The following MGST1 variants were observed in gnomAD, a reference collection of about 807,000 sequenced individuals.
MGST1 encodes the protein glutathione S-transferase 12.
In MGST1, 5 loss-of-function variants were observed where a neutral mutation model predicts 8.9. The ratio of observed to expected loss-of-function variants is 0.56; its 90% CI spans 0.29 to 1.19. MGST1 has a LOEUF of 1.19. Ranked by LOEUF, MGST1 falls within the 50% of genes most tolerant of loss-of-function variation. The probability of loss-of-function intolerance (pLI) is 0.08; values close to 1 mark genes in which losing one functional copy is unlikely to be tolerated. For synonymous variants in MGST1, 54 were observed against 67.8 expected (o/e 0.80, Z 1.00); for missense variants, 182 against 187.4 (o/e 0.97, Z 0.17).
intron 4 of MGST1, among the ~76,000 whole-genome samples, chr12:16,462,842 G>A (rs1465536904): frequency 6.6e-6 from 1 of 152,160 alleles, no homozygotes; most frequent in East Asian, 1.9e-4. Flanking sequence ...CCTAGCTACA[G>A]GTTTGGCGTT....
intron 4 of MGST1, among the ~76,000 whole-genome samples, chr12:16,468,513 C>T (rs915274453): frequency 1.3e-5 from 2 of 152,138 alleles, no homozygotes; most frequent in African/African-American, 4.8e-5. Context: ...CTACATCACT[C>T]ATTTAACACC....
exon 1 of MGST1, chr12:16,382,964 C>G (rs1940470725): frequency 6.6e-6 from 1 of 152,510 alleles, no homozygotes; most frequent in Non-Finnish European, 1.5e-5. Context: ...GATATAATCT[C>G]CTGGTGTGCC....
At chr12:16,556,925 C>T (rs764671504) in intron 4 of MGST1, among the ~76,000 whole-genome samples, 1 of 152,052 alleles carries the variant, frequency 6.6e-6, no homozygotes, top group Non-Finnish European at 1.5e-5. Context: ...ATGAAGCGAA[C>T]ACAGAAATAT....
At chr12:16,573,308 A>C (rs1942883353) in intron 4 of MGST1, among the ~76,000 whole-genome samples, 1 of 152,298 alleles carries the variant, frequency 6.6e-6, no homozygotes, top group South Asian at 2.1e-4. Context: ...AGTTGAAACA[A>C]AAATTTTGAA....
chr12:16,378,527 C>T (rs1940415575), downstream of MGST1, among the ~76,000 whole-genome samples: 2 of 152,042 alleles, frequency 1.3e-5, no homozygotes, highest in African/African-American at 4.8e-5. Context: ...GGTACCAGTA[C>T]CATGCTGTTT....
At chr12:16,378,836 G>A (rs1940420271), downstream of MGST1, among the ~76,000 whole-genome samples, 1 of 151,894 alleles carries the variant, frequency 6.6e-6, no homozygotes, top group African/African-American at 2.4e-5. Context: ...GCAGTGGTTT[G>A]TAGTTCTCCT....
intron 4 of MGST1, among the ~76,000 whole-genome samples, chr12:16,523,669 G>A (rs936363775): frequency 1.3e-5 from 2 of 152,008 alleles, no homozygotes; most frequent in Non-Finnish European, 2.9e-5. Flanking sequence ...ATTCTTTGAG[G>A]CTGCATTTTA....
At chr12:16,563,571 C>T (rs764271721) in intron 4 of MGST1, among the ~76,000 whole-genome samples, 5 of 152,008 alleles carry the variant, frequency 3.3e-5, no homozygotes, top group Admixed American at 6.6e-5. Context: ...TACTCATAAT[C>T]CTGATAATTC....
chr12:16,521,400 T>G (rs2137190201), intron 4 of MGST1, among the ~76,000 whole-genome samples: 1 of 152,266 alleles, frequency 6.6e-6, no homozygotes, highest in South Asian at 2.1e-4. Context: ...CATTTACATT[T>G]TCCACTTCCT....
At chr12:16,504,514 T>G (rs1441019672) in intron 4 of MGST1, among the ~76,000 whole-genome samples, 1 of 152,158 alleles carries the variant, frequency 6.6e-6, no homozygotes, top group Non-Finnish European at 1.5e-5. Context: ...TCCAGTAAAC[T>G]TCTACCCTTT....
chr12:16,507,140 T>C (rs2137174727), intron 4 of MGST1, among the ~76,000 whole-genome samples: 1 of 152,292 alleles, frequency 6.6e-6, no homozygotes, highest in Non-Finnish European at 1.5e-5. Context: ...GATGAAGATG[T>C]ATTCCCTAGA....
At chr12:16,412,499 A>G (rs891004665) in intron 1 of MGST1, among the ~76,000 whole-genome samples, 2 of 152,228 alleles carry the variant, frequency 1.3e-5, no homozygotes, top group African/African-American at 4.8e-5. Flanking sequence ...CAACTTTGAC[A>G]TCCAAAATAG....
chr12:16,484,750 A>G (rs937305281), intron 4 of MGST1, among the ~76,000 whole-genome samples: 9 of 152,200 alleles, frequency 5.9e-5, no homozygotes, highest in African/African-American at 1.7e-4. Flanking sequence ...GCATGATTCA[A>G]TCACCTCCCA....
intron 3 of MGST1, among the ~76,000 whole-genome samples, chr12:16,359,396 G>T (rs895629536): frequency 6.6e-6 from 1 of 152,208 alleles, no homozygotes; most frequent in African/African-American, 2.4e-5. Context: ...CTTCTAAGAA[G>T]AAGTCTGTGC....
intron 1 of MGST1, chr12:16,437,264 G>A (rs1011752902): frequency 6.6e-6 from 1 of 151,946 alleles, no homozygotes; most frequent in African/African-American, 2.4e-5. Flanking sequence ...TTATAGACCA[G>A]ATTGTCGGGA....
intron 4 of MGST1, among the ~76,000 whole-genome samples, chr12:16,468,553 A>AT (rs1941270118): frequency 2.0e-5 from 3 of 152,304 alleles, no homozygotes; most frequent in African/African-American, 7.2e-5. Context: ...CAACATTTTT[A>AT]TTAATATCAT....
At chr12:16,562,158 A>G (rs745793319) in intron 4 of MGST1, among the ~76,000 whole-genome samples, 27 of 152,128 alleles carry the variant, frequency 1.8e-4, no homozygotes, top group Non-Finnish European at 3.7e-4. Flanking sequence ...CACCAACTAA[A>G]GCTTTCATCC....
At chr12:16,540,349 T>C (rs1256999442) in intron 4 of MGST1, among the ~76,000 whole-genome samples, 1 of 152,212 alleles carries the variant, frequency 6.6e-6, no homozygotes, top group Non-Finnish European at 1.5e-5. Context: ...CATGGCTCAC[T>C]GAAGCCTTTA....
At chr12:16,427,588 G>A (rs1404597547) in intron 1 of MGST1, among the ~76,000 whole-genome samples, 1 of 152,094 alleles carries the variant, frequency 6.6e-6, no homozygotes, top group Non-Finnish European at 1.5e-5. Context: ...CACCATGTTG[G>A]CTAGGATGGT....
Sources: gnomAD v4.1 joint callset for allele counts (sites outside exome capture counted in the v4.1 genomes callset) on GRCh38, gnomAD v4.1.1 for gene constraint, MANE v1.5 for transcripts, NCBI Gene and HGNC (gene_info 2026-07-23, HGNC 2026-07-21) for gene names.